The following FOXP1 variants were observed in gnomAD, a reference collection of about 807,000 sequenced individuals.
The protein encoded by FOXP1 is forkhead box protein P1.
Under a neutral mutation model 98.2 loss-of-function variants are expected in FOXP1, and 15 were observed. The ratio of observed to expected loss-of-function variants is 0.15; its 90% confidence interval spans 0.10 to 0.24. The LOEUF is 0.24. Among genes scored for constraint, FOXP1 ranks in the 10% least tolerant of loss-of-function variants. FOXP1 has a pLI of 1.00. For missense variants in FOXP1, 633 were observed against 848.5 expected (o/e 0.75, Z 3.15); for synonymous variants, 371 against 314.5 (o/e 1.18, Z -1.90).
intron 14 of FOXP1, among the ~76,000 whole-genome samples, chr3:70,979,279 CAAAAAAAAAAAAAAAAAAAAA>C (rs544916383): frequency 2.9e-3 from 125 of 42,556 alleles, no homozygotes; most frequent in African/African-American, 0.01. Context: ...GACTCTACCT[CAAAAAAAAAAAAAAAAAAAAA>C]AAAAAAAAAA....
chr3:71,198,432 G>GCCCCCCCCCCCCCCCCCCC, intron 5 of FOXP1, 40 bp from the exon 6 acceptor site: 1 of 491,034 alleles, frequency 2.0e-6, no homozygotes, highest in Non-Finnish European at 4.0e-6. Flanking sequence ...GGGAGGGGGG[G>GCCCCCCCCCCCCCCCCCCC]AGAAAAAAAA....
At chr3:71,231,500 T>C (rs1280118058) in intron 5 of FOXP1, among the ~76,000 whole-genome samples, 1 of 152,240 alleles carries the variant, frequency 6.6e-6, no homozygotes, top group Non-Finnish European at 1.5e-5. Context: ...TTATTATAAA[T>C]GTCCAAAGAG....
At chr3:71,304,223 C>G (rs553431772) in intron 4 of FOXP1, among the ~76,000 whole-genome samples, 56 of 152,318 alleles carry the variant, frequency 3.7e-4, no homozygotes, top group Middle Eastern at 3.4e-3. Context: ...GGCAGCCCCC[C>G]ACTCACTCCA....
At chr3:71,141,132 G>A (rs1007822979) in intron 6 of FOXP1, among the ~76,000 whole-genome samples, 9 of 151,852 alleles carry the variant, frequency 5.9e-5, no homozygotes, top group Admixed American at 2.6e-4. Flanking sequence ...GCCAGGCGTG[G>A]TGGCAGGCGC....
At chr3:71,121,954 T>G (rs979279448) in intron 6 of FOXP1, among the ~76,000 whole-genome samples, 9 of 152,220 alleles carry the variant, frequency 5.9e-5, no homozygotes, top group African/African-American at 1.7e-4. Flanking sequence ...CACTGTTTTT[T>G]GCAATTGCCT....
At chr3:71,171,306 G>A (rs2061641948) in intron 6 of FOXP1, among the ~76,000 whole-genome samples, 1 of 152,146 alleles carries the variant, frequency 6.6e-6, no homozygotes, top group African/African-American at 2.4e-5. Flanking sequence ...GTTCCCTTCA[G>A]AAGCCTCCAT....
At chr3:71,303,369 C>T (rs2074009546) in intron 4 of FOXP1, among the ~76,000 whole-genome samples, 1 of 152,038 alleles carries the variant, frequency 6.6e-6, no homozygotes, top group South Asian at 2.1e-4. Context: ...GGGGGCAGTT[C>T]AGTAGGTCTA....
intron 6 of FOXP1, among the ~76,000 whole-genome samples, chr3:71,113,425 CA>C (rs2058098683): frequency 6.6e-6 from 1 of 152,076 alleles, no homozygotes; most frequent in South Asian, 2.1e-4. Flanking sequence ...ATATGACTGA[CA>C]AATCTTTTTA....
At chr3:71,121,026 A>T (rs866396253) in intron 6 of FOXP1, among the ~76,000 whole-genome samples, 2 of 142,112 alleles carry the variant, frequency 1.4e-5, no homozygotes, top group Admixed American at 1.5e-4. Flanking sequence ...GCAAAAAATT[A>T]TATTTTTTCT....
chr3:70,994,241 C>T (rs917952097), intron 13 of FOXP1, among the ~76,000 whole-genome samples: 1 of 151,320 alleles, frequency 6.6e-6, no homozygotes. Context: ...ATAGCTCTCT[C>T]CCACAGCTAG....
intron 2 of FOXP1, among the ~76,000 whole-genome samples, chr3:71,558,573 C>T (rs938641523): frequency 1.3e-5 from 2 of 151,422 alleles, no homozygotes; most frequent in Non-Finnish European, 2.9e-5. Flanking sequence ...CAGCTCACTG[C>T]AACCTCCGCC....
chr3:71,320,474 T>C (rs1477953395), intron 4 of FOXP1, among the ~76,000 whole-genome samples: 1 of 151,948 alleles, frequency 6.6e-6, no homozygotes, highest in Admixed American at 6.6e-5. Context: ...CTCTTTCACC[T>C]AAGAAATCCC....
intron 13 of FOXP1, among the ~76,000 whole-genome samples, chr3:70,993,135 T>G (rs906927442): frequency 2.0e-5 from 3 of 152,190 alleles, no homozygotes; most frequent in African/African-American, 7.2e-5. Flanking sequence ...GTACGGTAAT[T>G]GATTTGTGTT....
At chr3:71,098,306 T>C (rs1017156825) in intron 7 of FOXP1, among the ~76,000 whole-genome samples, 1 of 152,244 alleles carries the variant, frequency 6.6e-6, no homozygotes, top group African/African-American at 2.4e-5. Context: ...TAGTCTCCTT[T>C]AATTTTCTAT....
At chr3:71,100,043 C>A (rs1170129770) in intron 7 of FOXP1, among the ~76,000 whole-genome samples, 1 of 152,154 alleles carries the variant, frequency 6.6e-6, no homozygotes. Context: ...AGAAAAAGAC[C>A]TCTCCACTCT....
At chr3:71,010,143 G>T (rs1251732304) in intron 12 of FOXP1, among the ~76,000 whole-genome samples, 1 of 151,960 alleles carries the variant, frequency 6.6e-6, no homozygotes, top group Non-Finnish European at 1.5e-5. Flanking sequence ...ATGACATGTG[G>T]CTAGTTCAAA....
In FOXP1 at chr3:71,350,413, T is replaced by C. The variant is rs72957344; in HGVS notation, c.-73+8737A>G. 5.6e-3 allele frequency among the ~76,000 whole-genome samples: 848 copies of C among 152,256 alleles called. 12 individuals carry two copies. Among genetic ancestry groups the C allele is most frequent in the African/African-American group, 0.02 (820 of 41,532 alleles). ...AAAACGCACAATACACCAGTATTCT[T>C]GTAGCTTCTCTATCACCATATTATA... On this transcript the variant is annotated intron_variant, in intron 4 of 20. Coordinates refer to ENST00000649528, the MANE Select transcript of FOXP1 (RefSeq NM_001349338.3).
At chr3:71,097,893 G>GA (rs2056611424) in intron 7 of FOXP1, among the ~76,000 whole-genome samples, 1 of 152,040 alleles carries the variant, frequency 6.6e-6, no homozygotes, top group African/African-American at 2.4e-5. Flanking sequence ...TTATCTTCTG[G>GA]AAATGCTTGC....
chr3:71,113,615 A>G (rs769094615), intron 6 of FOXP1, among the ~76,000 whole-genome samples: 2 of 152,000 alleles, frequency 1.3e-5, no homozygotes, highest in Non-Finnish European at 2.9e-5. Flanking sequence ...TGGGAGGCTG[A>G]GGCAGGAGAA....
Sources: allele counts gnomAD v4.1 joint callset (sites outside exome capture counted in the v4.1 genomes callset), GRCh38; gene constraint gnomAD v4.1.1; transcripts MANE v1.5; gene names NCBI Gene and HGNC (gene_info 2026-07-23, HGNC 2026-07-21).